The following GINS1 variants were observed in gnomAD, a reference collection of about 807,000 sequenced individuals.
GINS1 encodes the protein DNA replication complex GINS protein PSF1.
Under a neutral mutation model 34.9 loss-of-function variants are expected in GINS1, and 26 were observed. That is an observed-to-expected ratio of 0.74 (90% confidence interval 0.55 to 1.03). GINS1 has a LOEUF of 1.03. Ranked by LOEUF, GINS1 falls within the 50% of genes least tolerant of loss-of-function variation. The pLI is 0.00. For missense variants in GINS1, 235 were observed against 237.9 expected (o/e 0.99, Z 0.08); for synonymous variants, 97 against 84.4 (o/e 1.15, Z -0.82).
Position 25,435,370 on chromosome 20 carries a change from C to T in GINS1, c.448-6332C>T, listed in dbSNP as rs560121803. ...ATAAACCGCAGTGGCACAATCATAG[C>T]TCACTGTAATCTCAAACTCCTGGGC... On this transcript the variant is annotated intron_variant, in intron 5 of 6. Coordinates refer to ENST00000262460, the MANE Select transcript of GINS1 (RefSeq NM_021067.5). Among the ~76,000 whole-genome samples the T allele has an allele frequency of 1.2e-4, 18 of 152,298 alleles. No individual in the cohort carries two copies. In the South Asian group the frequency reaches 2.3e-3, roughly 19 times the overall value.
At chr20:25,427,942 G>C (rs1192644469) in intron 5 of GINS1, among the ~76,000 whole-genome samples, 1 of 148,208 alleles carries the variant, frequency 6.7e-6, no homozygotes. Context: ...TGTGATCTCG[G>C]CTCACTGCAA....
At chr20:25,445,368 A>T (rs185745896) in intron 6 of GINS1, among the ~76,000 whole-genome samples, 11 of 128,478 alleles carry the variant, frequency 8.6e-5, no homozygotes, top group African/African-American at 2.1e-4. Flanking sequence ...TTTTTTTGTG[A>T]CAGAGTCTCA....
chr20:25,435,344 G>T (rs958604622), intron 5 of GINS1, among the ~76,000 whole-genome samples: 1 of 152,118 alleles, frequency 6.6e-6, no homozygotes, highest in African/African-American at 2.4e-5. Flanking sequence ...TGTCAAGCAG[G>T]ATAAACCGCA....
intron 4 of GINS1, 25 bp from the exon 5 acceptor site, chr20:25,425,186 C>A: frequency 1.0e-6 from 1 of 997,444 alleles, no homozygotes; most frequent in South Asian, 1.3e-5. Context: ...AGAATTTTGT[C>A]AAATGATCAT....
intron 5 of GINS1, among the ~76,000 whole-genome samples, chr20:25,439,105 C>T (rs942215366): frequency 6.6e-6 from 1 of 152,076 alleles, no homozygotes; most frequent in African/African-American, 2.4e-5. Context: ...TGCTTGTAAC[C>T]CTTTATTTAC....
chr20:25,441,943 A>C (rs1436639662), intron 6 of GINS1, among the ~76,000 whole-genome samples, 167 bp downstream of exon 6: 1 of 152,190 alleles, frequency 6.6e-6, no homozygotes. Flanking sequence ...TTAAGACTGG[A>C]AGCAAATGTT....
At chr20:25,436,153 A>G (rs559983724) in intron 5 of GINS1, among the ~76,000 whole-genome samples, 3 of 151,974 alleles carry the variant, frequency 2.0e-5, no homozygotes, top group South Asian at 2.1e-4. Flanking sequence ...GGGTCTCCCT[A>G]TGTTGCCTAG....
At chr20:25,423,278 T>C (rs2090367917) in intron 4 of GINS1, among the ~76,000 whole-genome samples, 1 of 151,094 alleles carries the variant, frequency 6.6e-6, no homozygotes. Context: ...CATGCCCGGC[T>C]AATTTTTGTA....
At chr20:25,441,835 G>A (rs1337968859) in intron 6 of GINS1, 59 bp downstream of exon 6, 7 of 838,456 alleles carry the variant, frequency 8.3e-6, no homozygotes, top group Non-Finnish European at 1.4e-5. Flanking sequence ...TGGTGGAAAA[G>A]TTGGAATAGC....
intron 5 of GINS1, among the ~76,000 whole-genome samples, chr20:25,428,612 G>C (rs1027395354): frequency 4.6e-5 from 7 of 151,422 alleles, no homozygotes; most frequent in South Asian, 2.1e-4. Context: ...CACCGTGTTA[G>C]CCAGGATGGT....
intron 6 of GINS1, among the ~76,000 whole-genome samples, chr20:25,443,923 T>G (rs2090496416): frequency 6.6e-6 from 1 of 150,794 alleles, no homozygotes. Flanking sequence ...ATCCAAACTT[T>G]CTGTAGAATC....
intron 5 of GINS1, among the ~76,000 whole-genome samples, chr20:25,428,834 A>T (rs1390232644): frequency 6.6e-6 from 1 of 152,016 alleles, no homozygotes; most frequent in African/African-American, 2.4e-5. Flanking sequence ...ATTGTTCTGT[A>T]CATCTGTCGT....
At chr20:25,429,039 A>G (rs2090412098) in intron 5 of GINS1, among the ~76,000 whole-genome samples, 1 of 129,672 alleles carries the variant, frequency 7.7e-6, no homozygotes. Context: ...CCCAGGCTGG[A>G]GTACAGTGGT....
chr20:25,417,794 T>C (rs73333513), intron 3 of GINS1, among the ~76,000 whole-genome samples: 7,862 of 152,192 alleles, frequency 0.052, 216 homozygotes, highest in Middle Eastern at 0.12. Context: ...CCAGAGGTTG[T>C]AGTGAACGGA....
At position 25,445,946 on chromosome 20, in the gene GINS1, T is replaced by G. The variant is rs1000799173; in HGVS notation, c.546T>G (p.Cys182Trp). The change falls in exon 7 of 7, where the codon TGT becomes TGG. Residue 182 changes from cysteine to tryptophan, a missense_variant. Physicochemically the swap from Cys to Trp is radical, Grantham distance 215 (BLOSUM62 -2). Transcript: ENST00000262460. ...NSQHFLPRWKCEQLIRQGVLE... is the reference protein window; with the variant it reads ...NSQHFLPRWKWEQLIRQGVLE... ...AGCACTTTTTACCTCGATGGAAATG[T>G]GAGCAGCTGATCAGACAAGGAGTCC... 2 of 1,611,176 alleles carry G rather than the reference T, an allele frequency of 1.2e-6. No homozygotes were observed. Among genetic ancestry groups the G allele is most frequent in the Non-Finnish European group, 1.7e-6 (2 of 1,177,566 alleles).
chr20:25,428,835 C>T (rs1405040203), intron 5 of GINS1, among the ~76,000 whole-genome samples: 2 of 152,024 alleles, frequency 1.3e-5, no homozygotes, highest in Non-Finnish European at 2.9e-5. Context: ...TTGTTCTGTA[C>T]ATCTGTCGTA....
chr20:25,412,346 G>T (rs937823249), intron 1 of GINS1, among the ~76,000 whole-genome samples: 4 of 151,974 alleles, frequency 2.6e-5, no homozygotes, highest in Non-Finnish European at 5.9e-5. Context: ...CCGAGGTCAG[G>T]AGTTCAAGAC....
intron 1 of GINS1, among the ~76,000 whole-genome samples, chr20:25,412,262 A>T (rs915123781): frequency 1.3e-5 from 2 of 152,250 alleles, no homozygotes. Flanking sequence ...ACCTTTTAAG[A>T]TCACTTTTAA....
Position 25,446,265 on chromosome 20 carries a change from C to G in GINS1, c.*274C>G, listed in dbSNP as rs112278657. ...GCCCAAGCTGGTCTCAAACTCCTGG[C>G]CTCAAGCAGTCCTCCCACCTTAGCT... On this transcript the variant is annotated 3_prime_UTR_variant, in exon 7 of 7. Transcript: ENST00000262460. 6.6e-6 allele frequency: 2 copies of G among 302,408 alleles called. No individual in the cohort carries two copies. The highest frequency in any genetic ancestry group is 1.2e-5 in the Non-Finnish European group (2 of 164,220). 18.7% of individuals were successfully genotyped at this position (302,408 alleles called of 1,614,324 possible).
Sources: allele counts gnomAD v4.1 joint callset (sites outside exome capture counted in the v4.1 genomes callset), GRCh38; gene constraint gnomAD v4.1.1; transcripts MANE v1.5; gene names NCBI Gene and HGNC (gene_info 2026-07-23, HGNC 2026-07-21).